The following OLAH variants were observed in gnomAD, a reference collection of about 807,000 sequenced individuals.
OLAH encodes S-acyl fatty acid synthase thioesterase, medium chain.
In OLAH, 33 loss-of-function variants were observed where a neutral mutation model predicts 27.8. The ratio of observed to expected loss-of-function variants is 1.19; its 90% CI spans 0.90 to 1.59. The LOEUF is 1.59. Among genes scored for constraint, OLAH ranks in the 40% most tolerant of loss-of-function variants. The pLI, the probability that OLAH is intolerant of heterozygous loss-of-function variation, is 0.00. For missense variants in OLAH, 359 were observed against 310.8 expected (o/e 1.16, Z -1.17); for synonymous variants, 120 against 102.9 (o/e 1.17, Z -1.01).
chr10:15,058,227 T>A (rs551213676), intron 3 of OLAH, among the ~76,000 whole-genome samples: 1 of 152,204 alleles, frequency 6.6e-6, no homozygotes, highest in Admixed American at 6.5e-5. Context: ...GCTGGGACTA[T>A]AGGAATGTGC....
intron 3 of OLAH, among the ~76,000 whole-genome samples, chr10:15,055,851 C>CT (rs35808430): frequency 0.13 from 18,985 of 142,138 alleles, 1,467 homozygotes; most frequent in African/African-American, 0.2. Flanking sequence ...ACTTTATATA[C>CT]TTTTTTTTTT....
At position 15,047,182 on chromosome 10, in the gene OLAH, T is replaced by A; in HGVS notation, c.-107T>A. 1.9e-6 allele frequency: 2 copies of A among 1,047,030 alleles called. No individual in the cohort carries two copies. Among genetic ancestry groups the A allele is most frequent in the Non-Finnish European group, 2.8e-6 (2 of 715,274 alleles). The allele number at this position is 1,047,030 out of a possible 1,614,324, so 64.9% of individuals were successfully genotyped here. A position where few individuals can be genotyped will look rare whatever the true frequency, so the allele number is the denominator to read the frequency against. On this transcript the variant is annotated 5_prime_UTR_variant, in exon 2 of 8. Transcript: ENST00000378228. ...TTAAAAAGAAATCTACTCACTCTTC[T>A]GTGTGCATAAGGCCGAGCAGAGGTT... is the stretch of plus-strand genomic sequence containing the variant.
chr10:15,042,353 ATGT>A (rs1843934854), upstream of OLAH, among the ~76,000 whole-genome samples: 1 of 151,974 alleles, frequency 6.6e-6, no homozygotes, highest in South Asian at 2.1e-4. Flanking sequence ...GGGTTTCACT[ATGT>A]TAGCCAGGCT....
At chr10:15,050,809 C>T (rs979984815) in intron 3 of OLAH, among the ~76,000 whole-genome samples, 14 of 151,726 alleles carry the variant, frequency 9.2e-5, no homozygotes, top group Admixed American at 3.3e-4. Context: ...CCAAAGTGCT[C>T]GGATTACAGG....
chr10:15,051,630 T>C lies in OLAH; in HGVS notation c.163+1865T>C, dbSNP rs1280982275. On this transcript the variant is annotated intron_variant, in intron 3 of 7. Coordinates refer to ENST00000378228, the MANE Select transcript of OLAH (RefSeq NM_001039702.3). ...GTATGAAATCAATGAACTTACTGTATTTTTTTCTTCCTTCTCCTCTAAAAA... is the reference window on the plus strand; with the variant it reads ...GTATGAAATCAATGAACTTACTGTACTTTTTTCTTCCTTCTCCTCTAAAAA... 4.6e-5 allele frequency among the ~76,000 whole-genome samples: 7 copies of C among 152,284 alleles called. No homozygotes were observed. In the East Asian group the frequency reaches 1.3e-3, roughly 29 times the overall value.
At chr10:15,043,262 C>T (rs1331823790), upstream of OLAH, among the ~76,000 whole-genome samples, 1 of 151,996 alleles carries the variant, frequency 6.6e-6, no homozygotes, top group Non-Finnish European at 1.5e-5. Flanking sequence ...GTGAATAATG[C>T]CTACATGATT....
chr10:15,066,224 G>C (rs1224340156), intron 6 of OLAH, among the ~76,000 whole-genome samples: 4 of 142,294 alleles, frequency 2.8e-5, no homozygotes, highest in African/African-American at 1.1e-4. Flanking sequence ...CTGGCCAACA[G>C]AGTGAGACTC....
intron 4 of OLAH, among the ~76,000 whole-genome samples, chr10:15,062,490 G>A (rs892997217): frequency 1.3e-5 from 2 of 151,544 alleles, no homozygotes; most frequent in African/African-American, 4.8e-5. Context: ...TACACAATGG[G>A]GTCTGGTTTT....
chr10:15,071,871 A>T lies in OLAH; in HGVS notation c.649A>T (p.Met217Leu). 6.2e-7 allele frequency: 1 copy of T among 1,608,034 alleles called. No homozygotes were observed. Among genetic ancestry groups the T allele is most frequent in the Non-Finnish European group, 8.5e-7 (1 of 1,174,424 alleles). ...FVGSEDIAKDMEAWKDVTSGN... is the reference protein window; with the variant it reads ...FVGSEDIAKDLEAWKDVTSGN... Reference sequence around the variant, plus strand: ...TGGATCTGAAGACATAGCAAAGGACATGGAAGGTGAAATTATTTTTAGTCT... The same window carrying T: ...TGGATCTGAAGACATAGCAAAGGACTTGGAAGGTGAAATTATTTTTAGTCT... The change falls in exon 7 of 8, where the codon ATG (methionine) becomes TTG (leucine). Residue 217 changes from methionine (M) to leucine (L), a missense_variant. Physicochemically the swap from Met to Leu is conservative, Grantham distance 15 (BLOSUM62 2). Coordinates refer to ENST00000378228, the MANE Select transcript of OLAH (RefSeq NM_001039702.3).
chr10:15,054,824 G>A (rs1305509272), intron 3 of OLAH, among the ~76,000 whole-genome samples: 1 of 152,066 alleles, frequency 6.6e-6, no homozygotes, highest in African/African-American at 2.4e-5. Flanking sequence ...TCAGCTCTTT[G>A]TGCAATTTTT....
chr10:15,049,007 G>A (rs372266218), intron 2 of OLAH, among the ~76,000 whole-genome samples: 42 of 151,516 alleles, frequency 2.8e-4, no homozygotes, highest in African/African-American at 9.7e-4. Context: ...GGAGGCTGAC[G>A]CAGGAGAATC....
intron 1 of OLAH, among the ~76,000 whole-genome samples, chr10:15,037,580 C>A (rs867661940): frequency 1.2e-3 from 168 of 141,192 alleles, no homozygotes; most frequent in East Asian, 3.5e-3. Context: ...GACTCCGTAT[C>A]AAAAAAAAAA....
chr10:15,043,060 CCA>C (rs1445535647), upstream of OLAH, among the ~76,000 whole-genome samples: 1 of 151,850 alleles, frequency 6.6e-6, no homozygotes, highest in Non-Finnish European at 1.5e-5. Context: ...TGGGGTTTCA[CCA>C]TGTTAGCCAG....
chr10:15,055,035 G>A (rs1008057667), intron 3 of OLAH, among the ~76,000 whole-genome samples: 1 of 151,994 alleles, frequency 6.6e-6, no homozygotes, highest in African/African-American at 2.4e-5. Flanking sequence ...TGTGATCTTG[G>A]CTCACTGCAA....
At chr10:15,049,513 A>T (rs1589240980) in intron 2 of OLAH, 122 bp from the exon 3 acceptor site, 2 of 632,842 alleles carry the variant, frequency 3.2e-6, no homozygotes, top group East Asian at 7.1e-5. Context: ...ATTTGCAATC[A>T]CTTTATATAT....
chr10:15,066,920 G>C (rs547643010), intron 6 of OLAH, among the ~76,000 whole-genome samples: 1 of 152,116 alleles, frequency 6.6e-6, no homozygotes, highest in East Asian at 1.9e-4. Context: ...GATTATAGGC[G>C]TGAGCCACTG....
intron 3 of OLAH, among the ~76,000 whole-genome samples, chr10:15,053,919 G>A (rs1277674636): frequency 6.6e-6 from 1 of 152,026 alleles, no homozygotes; most frequent in Non-Finnish European, 1.5e-5. Flanking sequence ...TGTTTTTGTA[G>A]AGATGGGCTT....
chr10:15,071,985 G>A, intron 7 of OLAH, 108 bp downstream of exon 7: 2 of 729,476 alleles, frequency 2.7e-6, no homozygotes, highest in Non-Finnish European at 2.3e-6. Context: ...CCAGGCTGGA[G>A]TGCAATGGCG....
chr10:15,066,609 A>AT (rs1402188958), intron 6 of OLAH, among the ~76,000 whole-genome samples: 4 of 10,610 alleles, frequency 3.8e-4, no homozygotes, highest in Admixed American at 1.0e-3. Context: ...TTTTTATTTT[A>AT]TTTATTTATT....
Sources: allele counts gnomAD v4.1 joint callset (sites outside exome capture counted in the v4.1 genomes callset), GRCh38; gene constraint gnomAD v4.1.1; transcripts MANE v1.5; gene names NCBI Gene and HGNC (gene_info 2026-07-23, HGNC 2026-07-21).